The following ATP10A variants were observed in gnomAD, a reference collection of about 807,000 sequenced individuals.
ATP10A encodes phospholipid-transporting ATPase VA.
A neutral mutation model predicts 147.8 loss-of-function variants in ATP10A; 111 were observed. The observed-to-expected ratio is 0.75, with a 90% CI of 0.64 to 0.88. The LOEUF (loss-of-function observed/expected upper bound fraction) is 0.88. ATP10A is among the 40% of genes least tolerant of loss of function. ATP10A has a pLI of 0.00. For missense variants in ATP10A, 1,927 were observed against 1,959.0 expected, an observed-to-expected ratio of 0.98 and a Z score of 0.31; for synonymous variants, 875 against 841.6, an observed-to-expected ratio of 1.04 and a Z score of -0.69.
intron 12 of ATP10A, among the ~76,000 whole-genome samples, chr15:25,704,754 T>C (rs962946924): frequency 6.6e-6 from 1 of 152,192 alleles, no homozygotes; most frequent in Non-Finnish European, 1.5e-5. Flanking sequence ...TCAAGATGAT[T>C]TGGGGCACAG....
intron 2 of ATP10A, among the ~76,000 whole-genome samples, chr15:25,746,087 T>A (rs550748771): frequency 6.6e-6 from 1 of 152,266 alleles, no homozygotes; most frequent in African/African-American, 2.4e-5. Context: ...TATGTCAGAC[T>A]GAATTTAAAA....
rs552757072 is a variant in ATP10A at position 25,747,112 on chromosome 15, C to A, written c.655-10971G>T. 7.9e-5 allele frequency among the ~76,000 whole-genome samples: 12 copies of A among 152,078 alleles called. No individual in the cohort carries two copies. In the South Asian group the frequency reaches 2.5e-3, roughly 32 times the overall value. Reference sequence around the variant, plus strand: ...GGCCAGCCTGGCCAATATGATGAAACCCCATCTCTACTATAACTACAAAAC... The same window carrying A: ...GGCCAGCCTGGCCAATATGATGAAAACCCATCTCTACTATAACTACAAAAC... On this transcript the variant is annotated intron_variant, in intron 2 of 20. Transcript: ENST00000555815.
downstream of ATP10A, chr15:25,677,408 C>T (rs1899159566): frequency 6.6e-6 from 1 of 152,132 alleles, no homozygotes; most frequent in African/African-American, 2.4e-5. Context: ...GCGCCAAGGT[C>T]ATTCCGTTTC....
intron 12 of ATP10A, among the ~76,000 whole-genome samples, chr15:25,704,779 T>G (rs1381760667): frequency 6.6e-6 from 1 of 152,256 alleles, no homozygotes; most frequent in African/African-American, 2.4e-5. Context: ...TTTCTTCAGC[T>G]TTCCAAGGTA....
At chr15:25,859,296 G>A (rs76128756) in intron 1 of ATP10A, among the ~76,000 whole-genome samples, 2 of 152,186 alleles carry the variant, frequency 1.3e-5, no homozygotes, top group African/African-American at 2.4e-5. Context: ...GTTGGAGACC[G>A]ATGTCAGCTA....
intron 1 of ATP10A, among the ~76,000 whole-genome samples, chr15:25,851,064 G>A (rs1268202958): frequency 2.1e-5 from 3 of 146,328 alleles, no homozygotes; most frequent in African/African-American, 7.6e-5. Context: ...CGGGGACTCC[G>A]CCGAACTTGG....
At position 25,721,923 on chromosome 15, in the gene ATP10A, G is replaced by C. The variant is rs185631232; in HGVS notation, c.1111-14C>G. 101 of 1,608,900 alleles carry C rather than the reference G, an allele frequency of 6.3e-5. No homozygotes were observed. Among genetic ancestry groups the C allele is most frequent in the Non-Finnish European group, 7.9e-5 (93 of 1,175,684 alleles). On this transcript the variant is annotated splice_polypyrimidine_tract_variant and intron_variant, in intron 6 of 20. Coordinates refer to ENST00000555815, the MANE Select transcript of ATP10A (RefSeq NM_024490.4). ...TGGGATCAAAACCTGGAAGAGACAA[G>C]GCACACAGGATGAATGACCGTGAGG...
chr15:25,681,608 AACTC>A (rs1899413406), intron 17 of ATP10A, among the ~76,000 whole-genome samples: 1 of 152,138 alleles, frequency 6.6e-6, no homozygotes, highest in Non-Finnish European at 1.5e-5. Flanking sequence ...ACCCAAGGAA[AACTC>A]ACTCTCTCAG....
At chr15:25,798,208 A>G (rs965571503) in intron 1 of ATP10A, among the ~76,000 whole-genome samples, 2 of 152,078 alleles carry the variant, frequency 1.3e-5, no homozygotes, top group Admixed American at 1.3e-4. Context: ...ATGGACCCCA[A>G]AGCAACAATA....
At chr15:25,717,864 C>CT (rs1017225557) in intron 8 of ATP10A, among the ~76,000 whole-genome samples, 57 of 152,288 alleles carry the variant, frequency 3.7e-4, no homozygotes, top group African/African-American at 1.3e-3. Flanking sequence ...GTTGGCTTTG[C>CT]TTTTTAGCGG....
intron 2 of ATP10A, among the ~76,000 whole-genome samples, chr15:25,773,583 G>C (rs1397441924): frequency 6.6e-6 from 1 of 152,072 alleles, no homozygotes; most frequent in Non-Finnish European, 1.5e-5. Flanking sequence ...GATTCCCCTA[G>C]GGAGCACTCT....
intron 2 of ATP10A, among the ~76,000 whole-genome samples, chr15:25,760,061 G>A (rs1888675623): frequency 6.6e-6 from 1 of 151,836 alleles, no homozygotes; most frequent in East Asian, 1.9e-4. Context: ...CCAACTCCTG[G>A]GTTCAAGCAA....
chr15:25,744,482 T>G (rs1208935613), intron 2 of ATP10A, among the ~76,000 whole-genome samples: 2 of 152,148 alleles, frequency 1.3e-5, no homozygotes, highest in Non-Finnish European at 2.9e-5. Context: ...CATAACAGGA[T>G]GTAAAGCATC....
intron 15 of ATP10A, among the ~76,000 whole-genome samples, chr15:25,690,664 A>G (rs1205249665): frequency 6.6e-6 from 1 of 152,208 alleles, no homozygotes; most frequent in East Asian, 1.9e-4. Flanking sequence ...GTGGACTCAA[A>G]CAGTTCAGAC....
chr15:25,779,393 A>G (rs1889783705), intron 2 of ATP10A, among the ~76,000 whole-genome samples: 1 of 152,232 alleles, frequency 6.6e-6, no homozygotes, highest in South Asian at 2.1e-4. Flanking sequence ...CATTCGAGCT[A>G]TCAGCCCTCT....
chr15:25,712,609 C>G (rs1372377496), intron 10 of ATP10A, among the ~76,000 whole-genome samples: 1 of 152,164 alleles, frequency 6.6e-6, no homozygotes, highest in African/African-American at 2.4e-5. Flanking sequence ...TGGATGTAAA[C>G]AAGAATCGAT....
intron 3 of ATP10A, among the ~76,000 whole-genome samples, chr15:25,735,374 A>C (rs1337572169): frequency 1.3e-5 from 2 of 152,092 alleles, no homozygotes; most frequent in Non-Finnish European, 2.9e-5. Context: ...TTATTATGGA[A>C]ATTTTCAAAC....
rs201902856 is a variant in ATP10A at position 25,851,767 on chromosome 15, A to T, written c.449+10881T>A. The stretch of plus-strand genomic sequence containing the variant: ...GACACCTAAAATTCTTTGGGCTTGG[A>T]GGCACAATTCAGTGTCTTAGCAATG... On this transcript the variant is annotated intron_variant, in intron 1 of 20. Coordinates refer to ENST00000555815, the MANE Select transcript of ATP10A (RefSeq NM_024490.4). Among the ~76,000 whole-genome samples, 49 of 152,236 alleles carry T rather than the reference A, an allele frequency of 3.2e-4. 1 individual carries two copies. In the East Asian group the frequency reaches 8.3e-3, roughly 26 times the overall value.
chr15:25,811,885 G>T (rs1433506946), intron 1 of ATP10A, among the ~76,000 whole-genome samples: 1 of 152,178 alleles, frequency 6.6e-6, no homozygotes, highest in Non-Finnish European at 1.5e-5. Context: ...CTCTGCAAGG[G>T]CCAACACAGC....
Sources: allele counts gnomAD v4.1 joint callset (sites outside exome capture counted in the v4.1 genomes callset), GRCh38; gene constraint gnomAD v4.1.1; transcripts MANE v1.5; gene names NCBI Gene and HGNC (gene_info 2026-07-23, HGNC 2026-07-21).